The following MYO16 variants were observed in gnomAD, a reference collection of about 807,000 sequenced individuals.
MYO16 encodes the protein unconventional myosin-XVI.
In MYO16, 94 loss-of-function variants were observed where a neutral mutation model predicts 205.3. The observed-to-expected ratio is 0.46, with a 90% CI of 0.39 to 0.54. MYO16 has a LOEUF of 0.54. Among genes scored for constraint, MYO16 ranks in the 20% least tolerant of loss-of-function variants. The pLI, the probability that MYO16 is intolerant of heterozygous loss-of-function variation, is 0.00. For synonymous variants in MYO16, 988 were observed against 954.0 expected (o/e 1.04, Z -0.66); for missense variants, 2,315 against 2,387.5 (o/e 0.97, Z 0.63).
At chr13:108,621,678 T>A (rs1032593389) in intron 1 of MYO16, among the ~76,000 whole-genome samples, 1 of 152,096 alleles carries the variant, frequency 6.6e-6, no homozygotes, top group African/African-American at 2.4e-5. Flanking sequence ...CTCTCTTGGC[T>A]GCGGTGTTAG....
intron 1 of MYO16, among the ~76,000 whole-genome samples, chr13:108,620,453 T>C (rs191831785): frequency 1.3e-3 from 193 of 152,308 alleles, no homozygotes; most frequent in African/African-American, 3.9e-3. Context: ...CATGCATTCA[T>C]GTTACTGTTT....
intron 2 of MYO16, among the ~76,000 whole-genome samples, chr13:108,679,765 T>G (rs1318383517): frequency 1.3e-5 from 2 of 151,566 alleles, no homozygotes; most frequent in Non-Finnish European, 2.9e-5. Context: ...TAAAAAATCT[T>G]GTAATAATGC....
intron 9 of MYO16, among the ~76,000 whole-genome samples, chr13:108,841,442 G>T (rs556556445): frequency 6.6e-6 from 1 of 152,276 alleles, no homozygotes; most frequent in African/African-American, 2.4e-5. Context: ...AAAGTGTAAA[G>T]CTTAAAATTG....
Position 108,777,814 on chromosome 13 carries a change from A to C in MYO16, c.508-7821A>C, listed in dbSNP as rs191265311. On this transcript the variant is annotated intron_variant, in intron 4 of 34. Transcript: ENST00000457511. ...GTTTACCTGTGTTCCCCAGGTATGT[A>C]GGTATGTTAACATTTTTGCATACAT... Among the ~76,000 whole-genome samples the C allele has an allele frequency of 8.3e-4, 127 of 152,338 alleles. 1 individual carries two copies. The highest frequency in any genetic ancestry group is 2.9e-3 in the African/African-American group (120 of 41,590).
chr13:108,908,628 A>G (rs1881102986), intron 15 of MYO16, among the ~76,000 whole-genome samples: 1 of 152,146 alleles, frequency 6.6e-6, no homozygotes, highest in Non-Finnish European at 1.5e-5. Context: ...AATATTGACA[A>G]TGGATTCTTA....
chr13:108,581,176 C>T, the MYO16 span, among the ~76,000 whole-genome samples: 17 of 151,910 alleles, frequency 1.1e-4, no homozygotes, highest in African/African-American at 2.4e-4. Flanking sequence ...AAGTGAAAAG[C>T]GATATAAGAA....
the MYO16 span, among the ~76,000 whole-genome samples, chr13:108,532,435 T>C: frequency 2.5e-3 from 383 of 151,208 alleles, 6 homozygotes; most frequent in South Asian, 0.026. Flanking sequence ...AAAATAACCA[T>C]CTTCTGCTTG....
intron 32 of MYO16, among the ~76,000 whole-genome samples, chr13:109,150,499 T>A (rs1877597749): frequency 6.6e-6 from 1 of 152,154 alleles, no homozygotes; most frequent in Admixed American, 6.5e-5. Flanking sequence ...CCCTATGAAT[T>A]GCATGAACTG....
chr13:109,016,103 G>A (rs1885805899), intron 22 of MYO16, among the ~76,000 whole-genome samples: 1 of 152,054 alleles, frequency 6.6e-6, no homozygotes, highest in Admixed American at 6.5e-5. Context: ...GGCATTTATT[G>A]CTATAAATTT....
At chr13:108,926,461 C>A (rs1216344947) in intron 16 of MYO16, among the ~76,000 whole-genome samples, 1 of 152,146 alleles carries the variant, frequency 6.6e-6, no homozygotes, top group African/African-American at 2.4e-5. Flanking sequence ...ACATCCCCAA[C>A]ATATAACTGA....
At chr13:108,966,185 G>A (rs1883787341) in intron 20 of MYO16, among the ~76,000 whole-genome samples, 2 of 152,130 alleles carry the variant, frequency 1.3e-5, no homozygotes, top group South Asian at 4.1e-4. Flanking sequence ...TTACTATGAT[G>A]AGGACTCTTG....
chr13:108,619,613 G>A (rs1193842099), intron 1 of MYO16, among the ~76,000 whole-genome samples: 1 of 152,092 alleles, frequency 6.6e-6, no homozygotes, highest in Non-Finnish European at 1.5e-5. Flanking sequence ...GCATCAGGAG[G>A]TATCACAGCG....
rs1392586598 is a variant in MYO16, at chr13:109,102,716, A to G, written c.3438+1829A>G. ...AATATGAGAGGAGACCAGAAGACAA[A>G]TTGGTAAGCCCTGCCAGCCATCATT... On this transcript the variant is annotated intron_variant, in intron 28 of 34. Coordinates refer to ENST00000457511, the MANE Select transcript of MYO16 (RefSeq NM_001198950.3). 2.0e-5 allele frequency among the ~76,000 whole-genome samples: 3 copies of G among 152,096 alleles called. No homozygotes were observed. The South Asian group carries it at 6.2e-4, about 32-fold the overall frequency.
the MYO16 span, among the ~76,000 whole-genome samples, chr13:108,589,848 T>A: frequency 6.6e-6 from 1 of 152,168 alleles, no homozygotes; most frequent in African/African-American, 2.4e-5. Flanking sequence ...TTCTAGTTCC[T>A]TCGGAGCAAA....
intron 11 of MYO16, among the ~76,000 whole-genome samples, chr13:108,863,214 G>A (rs558739726): frequency 7.2e-5 from 11 of 152,008 alleles, no homozygotes; most frequent in African/African-American, 2.7e-4. Flanking sequence ...TACTTCATGA[G>A]ATAGAACTTC....
intron 15 of MYO16, among the ~76,000 whole-genome samples, chr13:108,905,722 T>C (rs1015571123): frequency 7.2e-5 from 11 of 152,046 alleles, no homozygotes; most frequent in Admixed American, 2.6e-4. Context: ...GGGGATGGTT[T>C]CTTTTGATGA....
chr13:109,082,808 G>GA (rs1199917744), intron 27 of MYO16, among the ~76,000 whole-genome samples: 1 of 151,312 alleles, frequency 6.6e-6, no homozygotes, highest in East Asian at 2.0e-4. Context: ...AAAAGAAAAA[G>GA]AAAAAAAAGC....
chr13:108,975,502 GTTAAAACTTTGAA>G (rs2139401992), intron 20 of MYO16, among the ~76,000 whole-genome samples: 2 of 152,226 alleles, frequency 1.3e-5, no homozygotes, highest in East Asian at 3.9e-4. Context: ...AAATCTTTGA[GTTAAAACTTTGAA>G]GATTAATCTC....
At chr13:108,875,901 A>G (rs1168620408) in intron 12 of MYO16, among the ~76,000 whole-genome samples, 1 of 152,120 alleles carries the variant, frequency 6.6e-6, no homozygotes, top group Non-Finnish European at 1.5e-5. Context: ...AAAATGTTAG[A>G]GAAATGAATC....
Sources: gnomAD v4.1 joint callset for allele counts (sites outside exome capture counted in the v4.1 genomes callset) on GRCh38, gnomAD v4.1.1 for gene constraint, MANE v1.5 for transcripts, NCBI Gene and HGNC (gene_info 2026-07-23, HGNC 2026-07-21) for gene names.